The following DNM1L variants were observed in gnomAD, a reference collection of about 807,000 sequenced individuals.
The protein encoded by DNM1L is dynamin 1L.
A neutral mutation model predicts 92.8 loss-of-function variants in DNM1L; 33 were observed. The ratio of observed to expected loss-of-function variants is 0.36; its 90% confidence interval spans 0.27 to 0.48. The LOEUF (loss-of-function observed/expected upper bound fraction) is 0.48. DNM1L is among the 20% of genes least tolerant of loss of function. DNM1L has a pLI of 0.99. For missense variants in DNM1L, 485 were observed against 888.8 expected (o/e 0.55, Z 5.78); for synonymous variants, 284 against 305.0 (o/e 0.93, Z 0.72).
At chr12:32,733,610 G>C in intron 12 of DNM1L, 105 bp from the exon 13 acceptor site, 2 of 893,774 alleles carry the variant, frequency 2.2e-6, no homozygotes, top group Non-Finnish European at 3.7e-6. Flanking sequence ...TAAGTTTCCT[G>C]TACTTTTTCG....
chr12:32,718,954 A>ATT (rs11356668), intron 7 of DNM1L, among the ~76,000 whole-genome samples, 191 bp downstream of exon 7: 3 of 145,928 alleles, frequency 2.1e-5, no homozygotes, highest in Admixed American at 6.9e-5. Flanking sequence ...AAGAGAGAGA[A>ATT]TTTTTTTTTT....
chr12:32,730,319 G>A (rs1444329641), intron 9 of DNM1L, among the ~76,000 whole-genome samples: 3 of 152,172 alleles, frequency 2.0e-5, no homozygotes, highest in Non-Finnish European at 4.4e-5. Context: ...AGCCAAGAGC[G>A]CACCACTGCA....
At chr12:32,700,374 C>T (rs1418486607) in intron 1 of DNM1L, among the ~76,000 whole-genome samples, 6 of 152,132 alleles carry the variant, frequency 3.9e-5, no homozygotes, top group Non-Finnish European at 8.8e-5. Flanking sequence ...CCCGCCTCAG[C>T]CTCCCAAAGT....
intron 4 of DNM1L, 133 bp downstream of exon 4, chr12:32,708,357 A>G (rs796890176): frequency 1.7e-6 from 1 of 603,968 alleles, no homozygotes; most frequent in South Asian, 2.1e-5. Flanking sequence ...AGCGATGGAC[A>G]TTGTAAATTC....
intron 1 of DNM1L, among the ~76,000 whole-genome samples, chr12:32,687,795 A>G (rs1050136903): frequency 7.2e-5 from 11 of 151,980 alleles, no homozygotes; most frequent in African/African-American, 2.7e-4. Context: ...TCTCAGTTCT[A>G]TTCTGCTTTG....
chr12:32,698,896 A>C (rs779054613), intron 1 of DNM1L, among the ~76,000 whole-genome samples: 15 of 152,206 alleles, frequency 9.9e-5, no homozygotes, highest in South Asian at 8.3e-4. Flanking sequence ...TGGCTCCTGG[A>C]ATCCTAGCTA....
intron 1 of DNM1L, among the ~76,000 whole-genome samples, chr12:32,698,367 T>C (rs1592585656): frequency 1.3e-5 from 2 of 152,322 alleles, no homozygotes; most frequent in East Asian, 3.9e-4. Context: ...ATTCTGTATG[T>C]AGGAGCCTTG....
Position 32,731,719 on chromosome 12 carries a change from G to A in DNM1L, c.1357-135G>A, listed in dbSNP as rs1954564506. ...GATCATTAAGTAAAAGAAAATGACT[G>A]TTAGCCTGGCATGGTGGCTTCTACA... is the stretch of plus-strand genomic sequence containing the variant. On this transcript the variant is annotated intron_variant, in intron 11 of 19. Transcript: ENST00000549701. This position sits in a 1 kb window ranked among gnomAD's most constrained non-coding sequence, Gnocchi z 5.1. 1 of 978,882 alleles carries A rather than the reference G, an allele frequency of 1.0e-6. No individual in the cohort carries two copies. Among genetic ancestry groups the A allele is most frequent in the Non-Finnish European group, 1.6e-6 (1 of 644,698 alleles). The allele number at this position is 978,882 out of a possible 1,614,324, so 60.6% of individuals were successfully genotyped here.
chr12:32,737,766 A>G (rs925359419), intron 14 of DNM1L, 99 bp from the exon 15 acceptor site: 8 of 884,140 alleles, frequency 9.0e-6, no homozygotes, highest in Non-Finnish European at 1.5e-5. Context: ...ATGTTATTTT[A>G]CGATTTCATT....
rs17613608 is a variant in DNM1L at position 32,732,766 on chromosome 12, G to A, written c.1446+823G>A. ...AGTGCTGTTCTGATACCTGAGATTT[G>A]TTAGGACAGCACATAATAAAGGGCT... On this transcript the variant is annotated intron_variant, in intron 12 of 19. Coordinates refer to ENST00000549701, the MANE Select transcript of DNM1L (RefSeq NM_012062.5). Among the ~76,000 whole-genome samples, 1,110 of 152,278 alleles carry A rather than the reference G, an allele frequency of 7.3e-3. 4 individuals carry two copies. Among genetic ancestry groups the A allele is most frequent in the Non-Finnish European group, 0.011 (763 of 68,024 alleles).
chr12:32,679,784 C>T, intron 1 of DNM1L: 1 of 1,050,018 alleles, frequency 9.5e-7, no homozygotes, highest in Non-Finnish European at 1.1e-6. Flanking sequence ...CCGCTGGGAC[C>T]GGGCGCGGCC....
intron 5 of DNM1L, among the ~76,000 whole-genome samples, chr12:32,712,559 A>T (rs958732109): frequency 3.5e-5 from 5 of 141,930 alleles, no homozygotes; most frequent in Non-Finnish European, 7.6e-5. Flanking sequence ...CTGAGGCAGG[A>T]GGATCATTTG....
At chr12:32,679,815 C>T (rs867485154) in intron 1 of DNM1L, 2 of 1,016,584 alleles carry the variant, frequency 2.0e-6, no homozygotes, top group South Asian at 4.6e-5. Flanking sequence ...GCCGCTGCCT[C>T]CAAGGGCACC....
intron 1 of DNM1L, among the ~76,000 whole-genome samples, chr12:32,680,948 G>A (rs917187819): frequency 6.6e-6 from 1 of 152,218 alleles, no homozygotes; most frequent in African/African-American, 2.4e-5. Flanking sequence ...GAGAGTCTCA[G>A]TGCTTTTTAA....
At chr12:32,714,433 T>C (rs962275158) in intron 6 of DNM1L, among the ~76,000 whole-genome samples, 19 of 151,660 alleles carry the variant, frequency 1.3e-4, no homozygotes, top group African/African-American at 4.1e-4. Context: ...CCACCACGCC[T>C]GGCTAATTTT....
intron 1 of DNM1L, among the ~76,000 whole-genome samples, chr12:32,682,325 T>A (rs569356751): frequency 1.3e-5 from 2 of 152,118 alleles, no homozygotes; most frequent in African/African-American, 4.8e-5. Context: ...AGAGACAGAG[T>A]TTCTCCATGT....
At chr12:32,743,330 A>T (rs1283109292) in intron 19 of DNM1L, 24 bp from the exon 20 acceptor site, 14 of 1,608,648 alleles carry the variant, frequency 8.7e-6, no homozygotes, top group East Asian at 6.7e-5. Context: ...ATAAGCATTT[A>T]AAATTTTTTT....
intron 4 of DNM1L, among the ~76,000 whole-genome samples, chr12:32,708,847 TC>T (rs1945759819): frequency 6.6e-6 from 1 of 152,078 alleles, no homozygotes; most frequent in African/African-American, 2.4e-5. Flanking sequence ...TCTTCTGTCT[TC>T]TTTATTCCTA....
chr12:32,694,928 C>T (rs11052182), intron 1 of DNM1L, among the ~76,000 whole-genome samples: 23,410 of 152,020 alleles, frequency 0.15, 1,908 homozygotes, highest in Middle Eastern at 0.21. Flanking sequence ...TTGCACACAT[C>T]GATAATGGGT....
Sources: allele counts gnomAD v4.1 joint callset (sites outside exome capture counted in the v4.1 genomes callset), GRCh38; gene constraint gnomAD v4.1.1; non-coding constraint Gnocchi (gnomAD v3.1); transcripts MANE v1.5; gene names NCBI Gene and HGNC (gene_info 2026-07-23, HGNC 2026-07-21).